The following OTUD7A variants were observed in gnomAD, a reference collection of about 807,000 sequenced individuals.
The protein encoded by OTUD7A is OTU deubiquitinase 7A, also known as OTU domain-containing protein 7A.
OTUD7A carries 12 observed loss-of-function variants against 65.7 expected under a neutral mutation model. That is an observed-to-expected ratio of 0.18 (90% confidence interval 0.12 to 0.30). The LOEUF (loss-of-function observed/expected upper bound fraction) is 0.30. Among genes scored for constraint, OTUD7A ranks in the 10% least tolerant of loss-of-function variants. The probability of loss-of-function intolerance (pLI) is 1.00; values close to 1 mark genes in which losing one functional copy is unlikely to be tolerated. For synonymous variants in OTUD7A, 641 were observed against 586.3 expected, an observed-to-expected ratio of 1.09 and a Z score of -1.35; for missense variants, 1,148 against 1,304.8, an observed-to-expected ratio of 0.88 and a Z score of 1.85.
intron 1 of OTUD7A, among the ~76,000 whole-genome samples, chr15:31,713,740 T>C (rs1893509915): frequency 6.6e-6 from 1 of 150,992 alleles, no homozygotes; most frequent in African/African-American, 2.4e-5. Flanking sequence ...ATCATTGCAA[T>C]CCATAGACTC....
chr15:31,753,852 TATA>T (rs748854851), intron 1 of OTUD7A, among the ~76,000 whole-genome samples: 83 of 151,508 alleles, frequency 5.5e-4, no homozygotes, highest in Middle Eastern at 3.4e-3. Flanking sequence ...TCTTTTTTTG[TATA>T]ATGACTTTTC....
chr15:31,827,433 C>T lies in OTUD7A; in HGVS notation c.-100+43074G>A, dbSNP rs939277698. 2.6e-5 allele frequency among the ~76,000 whole-genome samples: 4 copies of T among 152,322 alleles called. 1 individual carries two copies. In the South Asian group the frequency reaches 8.3e-4, roughly 32 times the overall value. ...CACCCCATGATTCAATTATCTCCCA[C>T]CAGGTCCCTCCCACAACACGTGGGA... On this transcript the variant is annotated intron_variant, in intron 1 of 12. Transcript: ENST00000307050.
chr15:31,528,077 C>G (rs2042038157), intron 6 of OTUD7A, among the ~76,000 whole-genome samples: 1 of 152,248 alleles, frequency 6.6e-6, no homozygotes, highest in South Asian at 2.1e-4. Context: ...ATTCTAGGTG[C>G]TGGGAATATA....
At chr15:31,497,950 G>T (rs909273141) in intron 10 of OTUD7A, among the ~76,000 whole-genome samples, 9 of 152,212 alleles carry the variant, frequency 5.9e-5, no homozygotes, top group African/African-American at 2.2e-4. Context: ...TGAGCATGAA[G>T]GTGGGGTGCA....
At chr15:31,776,726 A>G (rs1473396921) in intron 1 of OTUD7A, among the ~76,000 whole-genome samples, 1 of 152,166 alleles carries the variant, frequency 6.6e-6, no homozygotes, top group Admixed American at 6.5e-5. Flanking sequence ...GGTCTGAAGG[A>G]ACCGGGGGTC....
At chr15:31,499,067 T>C (rs1356817504) in intron 10 of OTUD7A, among the ~76,000 whole-genome samples, 1 of 152,184 alleles carries the variant, frequency 6.6e-6, no homozygotes, top group African/African-American at 2.4e-5. Context: ...GAATGCTTCA[T>C]GGATTTTTAA....
rs56753483 is a variant in OTUD7A at position 31,479,661 on chromosome 15, T to TGGG, written c.*3630_*3632dup. On this transcript the variant is annotated 3_prime_UTR_variant, in exon 13 of 13. Coordinates refer to ENST00000307050, the MANE Select transcript of OTUD7A (RefSeq NM_001382637.1). ...GCAAAATAAGTTTGTGGACACTAAG[T>TGGG]GGGGGGGGGGGGTGATGGGCCCATG... The TGGG allele has an allele frequency of 9.9e-3, 704 of 71,302 alleles. 16 individuals are homozygous for TGGG. The highest frequency in any genetic ancestry group is 0.012 in the Non-Finnish European group (385 of 33,126). 4.4% of individuals were successfully genotyped at this position (71,302 alleles called of 1,614,324 possible). A position where few individuals can be genotyped will look rare whatever the true frequency, so the allele number is the denominator to read the frequency against.
intron 1 of OTUD7A, among the ~76,000 whole-genome samples, chr15:31,815,395 C>T (rs1340968378): frequency 2.0e-5 from 3 of 152,220 alleles, no homozygotes; most frequent in Non-Finnish European, 2.9e-5. Context: ...ATCTGTTCTC[C>T]CATCTGATCA....
rs560896384 is a variant in OTUD7A at position 31,860,677 on chromosome 15, G to GTGTA, written c.-100+9829_-100+9830insTACA. On this transcript the variant is annotated intron_variant, in intron 1 of 12. Coordinates refer to ENST00000307050, the MANE Select transcript of OTUD7A (RefSeq NM_001382637.1). ...TGTGTGTATATATAGATGTATGTGT[G>GTGTA]TATATATATATATATATATATATGT... is the stretch of plus-strand genomic sequence containing the variant. Among the ~76,000 whole-genome samples the GTGTA allele has an allele frequency of 1.7e-3, 126 of 73,272 alleles. 7 individuals are homozygous for GTGTA. The highest frequency in any genetic ancestry group is 9.8e-3 in the Middle Eastern group (1 of 102). 48.1% of individuals were successfully genotyped at this position (73,272 alleles called of 152,430 possible).
At chr15:31,844,133 T>A (rs1205782302) in intron 1 of OTUD7A, among the ~76,000 whole-genome samples, 2 of 152,086 alleles carry the variant, frequency 1.3e-5, no homozygotes, top group Non-Finnish European at 2.9e-5. Context: ...CTTTCCACCT[T>A]TTCTCTGTGC....
chr15:31,673,377 T>C (rs1281018285), intron 1 of OTUD7A, among the ~76,000 whole-genome samples: 1 of 152,238 alleles, frequency 6.6e-6, no homozygotes, highest in African/African-American at 2.4e-5. Flanking sequence ...GTAACACTTG[T>C]TCTGACTTGT....
intron 1 of OTUD7A, among the ~76,000 whole-genome samples, chr15:31,666,385 G>A (rs1286002991): frequency 2.6e-5 from 4 of 152,108 alleles, no homozygotes; most frequent in Non-Finnish European, 5.9e-5. Flanking sequence ...ATGTCTTCTA[G>A]GTTTTCTAGT....
In OTUD7A at chr15:31,486,451, G is replaced by T. The variant is rs11071094; in HGVS notation, c.1371+743C>A. On this transcript the variant is annotated intron_variant, in intron 12 of 12. Transcript: ENST00000307050. ...CCACTCCTTTACTAATTCTTTGTGA[G>T]CCCCACTTTAAGTAAATGTCTGGAG... Among the ~76,000 whole-genome samples the T allele has an allele frequency of 2.0e-5, 3 of 152,232 alleles. No homozygotes were observed. In the South Asian group the frequency reaches 6.2e-4, roughly 32 times the overall value.
chr15:31,769,646 A>G (rs1895181089), intron 1 of OTUD7A, among the ~76,000 whole-genome samples: 1 of 152,254 alleles, frequency 6.6e-6, no homozygotes, highest in African/African-American at 2.4e-5. Context: ...GGAATTAACT[A>G]TTGATTTCAC....
At position 31,526,418 on chromosome 15, in the gene OTUD7A, G is replaced by A. The variant is rs776882002; in HGVS notation, c.824C>T (p.Thr275Met). The A allele has an allele frequency of 2.7e-5, 44 of 1,602,194 alleles. No individual in the cohort carries two copies. The highest frequency in any genetic ancestry group is 3.3e-5 in the South Asian group (3 of 90,166). Residue 275 changes from threonine to methionine, a missense_variant, in exon 8 of 13, where the codon ACG becomes ATG. Physicochemically the swap from Thr to Met is moderately conservative, Grantham distance 81. Around this residue, in one of 6 missense-constraint regions of OTUD7A, gnomAD observed 134 missense variants for 252.6 expected, o/e 0.53. Transcript: ENST00000307050. ...GCTGGAGGCCAGCTTCAGCAGCTCC[G>A]TCCACTCCCGCTCCCACTCCTCCTC... ...YTEEEWEREW[T>M]ELLKLASSEP...
rs149245846 is a variant in OTUD7A at position 31,854,102 on chromosome 15, C to T, written c.-100+16405G>A. On this transcript the variant is annotated intron_variant, in intron 1 of 12. Coordinates refer to ENST00000307050, the MANE Select transcript of OTUD7A (RefSeq NM_001382637.1). ...GTTTTGAAAGTCGGAAATCTAAAAT[C>T]GGGTTAAAATCTAGCTGTTGGCAGG... 5.3e-3 allele frequency among the ~76,000 whole-genome samples: 806 copies of T among 152,256 alleles called. 5 individuals carry two copies. The highest frequency in any genetic ancestry group is 0.017 in the African/African-American group (714 of 41,544).
intron 1 of OTUD7A, among the ~76,000 whole-genome samples, chr15:31,862,516 G>A (rs558785266): frequency 1.3e-5 from 2 of 152,172 alleles, no homozygotes; most frequent in Admixed American, 6.5e-5. Flanking sequence ...GGCGGGAGGT[G>A]AAAGGCACTT....
intron 3 of OTUD7A, among the ~76,000 whole-genome samples, chr15:31,630,337 A>G (rs1330823692): frequency 6.6e-6 from 1 of 151,074 alleles, no homozygotes; most frequent in Non-Finnish European, 1.5e-5. Flanking sequence ...TTCTGCCTTC[A>G]TTTCGTGATG....
chr15:31,735,820 T>C (rs1034191574), intron 1 of OTUD7A, among the ~76,000 whole-genome samples: 1 of 152,170 alleles, frequency 6.6e-6, no homozygotes, highest in Non-Finnish European at 1.5e-5. Context: ...TAAATGCTCA[T>C]CAATAACAGG....
Sources: allele counts gnomAD v4.1 joint callset (sites outside exome capture counted in the v4.1 genomes callset), GRCh38; gene constraint gnomAD v4.1.1; regional missense constraint gnomAD v4.1.1; transcripts MANE v1.5; gene names NCBI Gene and HGNC (gene_info 2026-07-23, HGNC 2026-07-21).